DNAH5: variants seen among roughly 807,000 people sequenced by gnomAD.
The protein encoded by DNAH5 is dynein axonemal heavy chain 5, also known as axonemal beta dynein heavy chain 5.
In DNAH5, 372 loss-of-function variants were observed where a neutral mutation model predicts 518.2. The ratio of observed to expected loss-of-function variants is 0.72; its 90% CI spans 0.66 to 0.78. The LOEUF is 0.78. Among genes scored for constraint, DNAH5 ranks in the 30% least tolerant of loss-of-function variants. The pLI, the probability that DNAH5 is intolerant of heterozygous loss-of-function variation, is 0.00. For synonymous variants in DNAH5, 2,039 were observed against 2,025.9 expected, an observed-to-expected ratio of 1.01 and a Z score of -0.17; for missense variants, 5,523 against 5,687.0, an observed-to-expected ratio of 0.97 and a Z score of 0.93.
intron 38 of DNAH5, among the ~76,000 whole-genome samples, chr5:13,826,414 C>T (rs1251679639): frequency 6.6e-6 from 1 of 152,096 alleles, no homozygotes; most frequent in Non-Finnish European, 1.5e-5. Flanking sequence ...AACTGTAGTC[C>T]CCATAATCCC....
rs899241649 is a variant in DNAH5, at chr5:13,758,929, T to C, written c.10336A>G (p.Lys3446Glu). 1 of 1,614,198 alleles carries C rather than the reference T, an allele frequency of 6.2e-7. No individual in the cohort carries two copies. ...TTGTCATCCAACTCGGCCTGGGCTT[T>C]CTGCAGATCCTGCATGGCCAGGAGA... ...RHLLAMQDLQKAQAELDDKQA... is the reference protein window; with the variant it reads ...RHLLAMQDLQEAQAELDDKQA... Residue 3446 changes from lysine to glutamate, a missense_variant, in exon 61 of 79, where the codon AAA becomes GAA. Lys to Glu is a moderately conservative substitution (Grantham distance 56). Transcript: ENST00000265104.
chr5:13,976,686 T>C (rs1207195196), intron 1 of DNAH5, among the ~76,000 whole-genome samples: 1 of 90,842 alleles, frequency 1.1e-5, no homozygotes, highest in Non-Finnish European at 2.3e-5. Context: ...AATGTGTGTG[T>C]GTGTATATAT....
At chr5:13,998,686 A>G (rs1784133294) in intron 1 of DNAH5, among the ~76,000 whole-genome samples, 1 of 152,228 alleles carries the variant, frequency 6.6e-6, no homozygotes. Flanking sequence ...TAACAGTTCC[A>G]TTTTACAAAT....
chr5:13,828,340 T>A (rs1205772567), intron 38 of DNAH5, among the ~76,000 whole-genome samples: 2 of 152,254 alleles, frequency 1.3e-5, no homozygotes, highest in Non-Finnish European at 2.9e-5. Flanking sequence ...TTAGGAAGTG[T>A]TATTCATGTT....
chr5:13,759,362 C>T (rs1751467965), intron 60 of DNAH5, among the ~76,000 whole-genome samples: 1 of 152,202 alleles, frequency 6.6e-6, no homozygotes, highest in Admixed American at 6.5e-5. Context: ...ATTTGGCCCA[C>T]AGGCCATAGT....
chr5:13,760,758 T>C (rs577573778), intron 60 of DNAH5, among the ~76,000 whole-genome samples: 2 of 152,352 alleles, frequency 1.3e-5, no homozygotes, highest in African/African-American at 4.8e-5. Flanking sequence ...ATTTAGGGAA[T>C]GCCCTTGACC....
At chr5:13,864,945 A>C (rs1769004175) in intron 27 of DNAH5, among the ~76,000 whole-genome samples, 1 of 152,084 alleles carries the variant, frequency 6.6e-6, no homozygotes, top group South Asian at 2.1e-4. Context: ...CTGAGAACTT[A>C]CTAAGCACAA....
rs191673401 is a variant in DNAH5, at chr5:13,890,929, A to G, written c.2577+47T>C. On this transcript the variant is annotated intron_variant, in intron 17 of 78. Coordinates refer to ENST00000265104, the MANE Select transcript of DNAH5 (RefSeq NM_001369.3). ...TCAAAAAAGTGACCTTTATAGGAAAATGAATCACCAAAAACCTTAAACAAA... is the reference window on the plus strand; with the variant it reads ...TCAAAAAAGTGACCTTTATAGGAAAGTGAATCACCAAAAACCTTAAACAAA... 1.7e-3 allele frequency: 2,663 copies of G among 1,611,514 alleles called. 7 individuals carry two copies. Among genetic ancestry groups the G allele is most frequent in the Non-Finnish European group, 2.1e-3 (2,450 of 1,178,322 alleles).
intron 68 of DNAH5, among the ~76,000 whole-genome samples, chr5:13,731,879 A>G (rs1746607637): frequency 6.6e-6 from 1 of 152,202 alleles, no homozygotes; most frequent in Admixed American, 6.5e-5. Flanking sequence ...CACATCTGTC[A>G]TCCCAGGACT....
rs199691556 is a variant in DNAH5 at position 13,919,201 on chromosome 5, G to A, written c.950C>T (p.Ala317Val). 52 of 1,613,950 alleles carry A rather than the reference G, an allele frequency of 3.2e-5. No individual in the cohort carries two copies. The East Asian group carries it at 9.4e-4, about 29-fold the overall frequency. Reference protein sequence around the residue: ...PDVKAVLAVLAAAKSKLLKTW... With the variant: ...PDVKAVLAVLVAAKSKLLKTW... ...CTTCAGCAGTTTCGACTTGGCCGCC[G>A]CAAGCACTGCCAGCACAGCCTTCAC... The change falls in exon 7 of 79, where the codon GCG becomes GTG. Residue 317 changes from alanine to valine, a missense_variant. Physicochemically the swap from Ala to Val is moderately conservative, Grantham distance 64. Coordinates refer to ENST00000265104, the MANE Select transcript of DNAH5 (RefSeq NM_001369.3).
intron 1 of DNAH5, among the ~76,000 whole-genome samples, chr5:13,971,557 C>A (rs1370692815): frequency 6.6e-6 from 1 of 152,146 alleles, no homozygotes; most frequent in Non-Finnish European, 1.5e-5. Context: ...CTGGGTCTAG[C>A]CACCCAGTGG....
intron 60 of DNAH5, among the ~76,000 whole-genome samples, chr5:13,759,774 G>A (rs1367970423): frequency 1.3e-5 from 2 of 152,140 alleles, no homozygotes; most frequent in African/African-American, 4.8e-5. Context: ...AATCATTTTT[G>A]AAACCAAATT....
At chr5:13,823,103 G>C (rs150991474) in intron 40 of DNAH5, among the ~76,000 whole-genome samples, 160 bp downstream of exon 40, 19 of 152,302 alleles carry the variant, frequency 1.2e-4, no homozygotes, top group African/African-American at 4.6e-4. Flanking sequence ...AGTTTGACTC[G>C]TGGTGTGCAT....
At chr5:13,871,531 T>G (rs1200450301) in intron 23 of DNAH5, 33 bp downstream of exon 23, 2 of 1,559,396 alleles carry the variant, frequency 1.3e-6, no homozygotes, top group South Asian at 1.1e-5. Flanking sequence ...TAATGGCTAA[T>G]TTATATAACT....
At chr5:13,704,993 AT>A (rs111906324) in intron 76 of DNAH5, among the ~76,000 whole-genome samples, 10,633 of 146,484 alleles carry the variant, frequency 0.073, 532 homozygotes, top group Admixed American at 0.16. Context: ...CCAATAGACA[AT>A]TTTTTTTTTT....
chr5:13,776,763 A>G, intron 54 of DNAH5, 57 bp from the exon 55 acceptor site: 1 of 1,573,050 alleles, frequency 6.4e-7, no homozygotes, highest in East Asian at 2.2e-5. Flanking sequence ...ATAGATCAAA[A>G]TGTAGAGCTT....
chr5:13,911,106 T>A (rs1299931786), intron 12 of DNAH5, among the ~76,000 whole-genome samples: 1 of 152,144 alleles, frequency 6.6e-6, no homozygotes, highest in Non-Finnish European at 1.5e-5. Context: ...TGCCGCAATG[T>A]TCAACAGAAG....
rs565368219 is a variant in DNAH5, at chr5:13,868,031, G to T, written c.3835-39C>A. 3 of 1,453,530 alleles carry T rather than the reference G, an allele frequency of 2.1e-6. No individual in the cohort carries two copies. The Admixed American group carries it at 5.2e-5, about 25-fold the overall frequency. The allele number at this position is 1,453,530 out of a possible 1,614,324, so 90.0% of individuals were successfully genotyped here. A position where few individuals can be genotyped will look rare whatever the true frequency, so the allele number is the denominator to read the frequency against. On this transcript the variant is annotated intron_variant, in intron 24 of 78. Coordinates refer to ENST00000265104, the MANE Select transcript of DNAH5 (RefSeq NM_001369.3). ...GGAAAAACTTAATTTTGGCCAGTCA[G>T]ATGCATAAATCTACACACAGCCATT...
At chr5:13,850,204 T>C (rs1338101202) in intron 31 of DNAH5, among the ~76,000 whole-genome samples, 1 of 152,226 alleles carries the variant, frequency 6.6e-6, no homozygotes, top group Non-Finnish European at 1.5e-5. Flanking sequence ...TTATGACTCT[T>C]GGAATTCACA....
Sources: allele counts gnomAD v4.1 joint callset (sites outside exome capture counted in the v4.1 genomes callset), GRCh38; gene constraint gnomAD v4.1.1; transcripts MANE v1.5; gene names NCBI Gene and HGNC (gene_info 2026-07-23, HGNC 2026-07-21).